The following FGD4 variants were observed in gnomAD, a reference collection of about 807,000 sequenced individuals.
FGD4 encodes the protein FYVE, RhoGEF and PH domain-containing protein 4.
In FGD4, 42 loss-of-function variants were observed where a neutral mutation model predicts 102.0. That is an observed-to-expected ratio of 0.41 (90% CI 0.32 to 0.53). The LOEUF (loss-of-function observed/expected upper bound fraction) is 0.53. Among genes scored for constraint, FGD4 ranks in the 20% least tolerant of loss-of-function variants. FGD4 has a pLI of 0.21. For synonymous variants in FGD4, 380 were observed against 375.7 expected, an observed-to-expected ratio of 1.01 and a Z score of -0.13; for missense variants, 902 against 1,078.2, an observed-to-expected ratio of 0.84 and a Z score of 2.29.
chr12:32,408,475 G>T (rs1327045787), intron 1 of FGD4, among the ~76,000 whole-genome samples: 1 of 152,028 alleles, frequency 6.6e-6, no homozygotes, highest in Non-Finnish European at 1.5e-5. Context: ...CCTAATTTTT[G>T]TATTTTTAAT....
At chr12:32,637,058 T>TC (rs1482233247) in intron 15 of FGD4, among the ~76,000 whole-genome samples, 2 of 148,436 alleles carry the variant, frequency 1.3e-5, no homozygotes, top group East Asian at 2.0e-4. Context: ...CTTTTTTTTT[T>TC]TTTTTTTTTT....
At chr12:32,407,881 T>C (rs1464940360) in intron 1 of FGD4, among the ~76,000 whole-genome samples, 4 of 152,138 alleles carry the variant, frequency 2.6e-5, no homozygotes, top group Admixed American at 6.6e-5. Flanking sequence ...CTCAGAGACA[T>C]TTCTCCTCTG....
rs534812449 is a variant in FGD4, at chr12:32,526,628, C to T, written c.167-37509C>T. On this transcript the variant is annotated intron_variant, in intron 1 of 16. Coordinates refer to ENST00000534526, the MANE Select transcript of FGD4 (RefSeq NM_001370298.3). Reference sequence around the variant, plus strand: ...GGCTGCCCGAGCCAGCATTGGCAACCTGCTCAGGTCCCCTTCCACACTGTG... The same window carrying T: ...GGCTGCCCGAGCCAGCATTGGCAACTTGCTCAGGTCCCCTTCCACACTGTG... Among the ~76,000 whole-genome samples the T allele has an allele frequency of 5.9e-5, 9 of 152,338 alleles. No homozygotes were observed. In the South Asian group the frequency reaches 6.2e-4, roughly 11 times the overall value.
At chr12:32,527,951 C>T (rs538502412) in intron 1 of FGD4, among the ~76,000 whole-genome samples, 13 of 151,604 alleles carry the variant, frequency 8.6e-5, no homozygotes, top group African/African-American at 3.2e-4. Flanking sequence ...ATAAAATTTC[C>T]TTTTTCTTTT....
chr12:32,573,127 ACT>A (rs1565857975), intron 2 of FGD4, among the ~76,000 whole-genome samples: 1 of 151,604 alleles, frequency 6.6e-6, no homozygotes, highest in Admixed American at 6.6e-5. Flanking sequence ...CGGGAGTTTC[ACT>A]CTGTCGCACA....
intron 1 of FGD4, among the ~76,000 whole-genome samples, chr12:32,469,709 G>C (rs1432428282): frequency 1.3e-5 from 2 of 151,796 alleles, no homozygotes; most frequent in Non-Finnish European, 2.9e-5. Context: ...GCCCAGGCTG[G>C]AGTGCAATGG....
Position 32,587,447 on chromosome 12 carries a change from G to T in FGD4, c.1011+4980G>T, listed in dbSNP as rs1234255815. On this transcript the variant is annotated intron_variant, in intron 4 of 16. Coordinates refer to ENST00000534526, the MANE Select transcript of FGD4 (RefSeq NM_001370298.3). ...GCCCAGGCTGCCAGGCTGGAGTGCG[G>T]TGACGCTATCTCGGCTCACTACAAC... is the stretch of plus-strand genomic sequence containing the variant. Among the ~76,000 whole-genome samples the T allele has an allele frequency of 3.3e-5, 5 of 152,022 alleles. No individual in the cohort carries two copies. In the East Asian group the frequency reaches 9.6e-4, roughly 29 times the overall value.
In FGD4 at chr12:32,483,124, G is replaced by T. The variant is rs540790547; in HGVS notation, c.167-81013G>T. Among the ~76,000 whole-genome samples the T allele has an allele frequency of 2.6e-4, 39 of 151,972 alleles. No homozygotes were observed. In the East Asian group the frequency reaches 5.4e-3, roughly 21 times the overall value. ...TATTTTTAGCCACATGATAATTTTT[G>T]TGTGTGTGTGTGGGTAGAATACTAA... On this transcript the variant is annotated intron_variant, in intron 1 of 16. Coordinates refer to ENST00000534526, the MANE Select transcript of FGD4 (RefSeq NM_001370298.3).
At chr12:32,500,064 T>C (rs1034791597) in intron 1 of FGD4, among the ~76,000 whole-genome samples, 1 of 152,206 alleles carries the variant, frequency 6.6e-6, no homozygotes, top group Admixed American at 6.5e-5. Flanking sequence ...TTATTCGTAG[T>C]GGGTATTCAG....
At chr12:32,439,676 T>A (rs1012332078) in intron 1 of FGD4, among the ~76,000 whole-genome samples, 26 of 152,232 alleles carry the variant, frequency 1.7e-4, no homozygotes, top group African/African-American at 6.0e-4. Flanking sequence ...ATCTGCTTGG[T>A]GTTCTGTAAC....
chr12:32,590,601 G>C (rs541578759), intron 4 of FGD4, among the ~76,000 whole-genome samples: 10 of 152,242 alleles, frequency 6.6e-5, no homozygotes, highest in Admixed American at 1.3e-4. Context: ...ACAGACCCGG[G>C]TTTGAATCCT....
At chr12:32,574,570 T>C (rs564845729) in intron 2 of FGD4, among the ~76,000 whole-genome samples, 23 of 152,330 alleles carry the variant, frequency 1.5e-4, no homozygotes, top group South Asian at 4.1e-4. Context: ...TTGGAAAATA[T>C]CATTTTCACA....
intron 1 of FGD4, among the ~76,000 whole-genome samples, chr12:32,462,197 G>A (rs1026663990): frequency 2.0e-5 from 3 of 151,918 alleles, no homozygotes; most frequent in Non-Finnish European, 4.4e-5. Flanking sequence ...AGCTTGTTCT[G>A]TGGTTTGCCT....
intron 1 of FGD4, among the ~76,000 whole-genome samples, chr12:32,498,030 G>T (rs1429945867): frequency 6.6e-6 from 1 of 152,244 alleles, no homozygotes; most frequent in African/African-American, 2.4e-5. Context: ...AAGAGCACAG[G>T]ACCAGACAGA....
chr12:32,561,071 TTTTG>T lies in FGD4; in HGVS notation c.167-3062_167-3059del, dbSNP rs1393003533. Among the ~76,000 whole-genome samples, 107 of 82,100 alleles carry T rather than the reference TTTTG, an allele frequency of 1.3e-3. 15 individuals carry two copies. The highest frequency in any genetic ancestry group is 5.6e-3 in the Middle Eastern group (1 of 180). The allele number at this position is 82,100 out of a possible 152,430, so 53.9% of individuals were successfully genotyped here. A position where few individuals can be genotyped will look rare whatever the true frequency, so the allele number is the denominator to read the frequency against. On this transcript the variant is annotated intron_variant, in intron 1 of 16. Coordinates refer to ENST00000534526, the MANE Select transcript of FGD4 (RefSeq NM_001370298.3). The stretch of plus-strand genomic sequence containing the variant: ...GCAGAAATGTGGTTTCTTTGTTGGG[TTTTG>T]TTTTTTTTTTTTTTTTTTTTTTTTT...
At chr12:32,581,502 T>C (rs1196614112) in intron 3 of FGD4, among the ~76,000 whole-genome samples, 3 of 152,202 alleles carry the variant, frequency 2.0e-5, no homozygotes, top group Non-Finnish European at 4.4e-5. Context: ...GTTCATAATT[T>C]GTTCATAAAT....
At chr12:32,530,957 T>TTTG (rs1941747492) in intron 1 of FGD4, among the ~76,000 whole-genome samples, 1 of 132,384 alleles carries the variant, frequency 7.6e-6, no homozygotes, top group African/African-American at 3.0e-5. Flanking sequence ...TTTTTTTTTT[T>TTTG]TTTTTTTTTT....
intron 15 of FGD4, among the ~76,000 whole-genome samples, chr12:32,636,032 A>G (rs1232624521): frequency 6.6e-6 from 1 of 151,132 alleles, no homozygotes; most frequent in Non-Finnish European, 1.5e-5. Flanking sequence ...AATAATAATA[A>G]TAATAATAAT....
intron 1 of FGD4, among the ~76,000 whole-genome samples, chr12:32,494,625 A>G (rs761605047): frequency 6.6e-6 from 1 of 152,190 alleles, no homozygotes; most frequent in Non-Finnish European, 1.5e-5. Flanking sequence ...ATTGGATGTG[A>G]TGGAGGAGAC....
Sources: allele counts gnomAD v4.1 joint callset (sites outside exome capture counted in the v4.1 genomes callset), GRCh38; gene constraint gnomAD v4.1.1; transcripts MANE v1.5; gene names NCBI Gene and HGNC (gene_info 2026-07-23, HGNC 2026-07-21).